The following PSMD8 variants were observed in gnomAD, a reference collection of about 807,000 sequenced individuals.
The protein encoded by PSMD8 is proteasome 26S subunit, non-ATPase 8.
A neutral mutation model predicts 40.0 loss-of-function variants in PSMD8; 30 were observed. That is an observed-to-expected ratio of 0.75 (90% confidence interval 0.56 to 1.02). PSMD8 has a LOEUF of 1.02. PSMD8 is among the 50% of genes least tolerant of loss of function. PSMD8 has a pLI of 0.00. For synonymous variants in PSMD8, 208 were observed against 192.5 expected (o/e 1.08, Z -0.67); for missense variants, 461 against 463.9 (o/e 0.99, Z 0.06).
At position 38,374,678 on chromosome 19, in the gene PSMD8, T is replaced by C; in HGVS notation, c.77T>C (p.Val26Ala). Residue 26 changes from valine to alanine, a missense_variant, in exon 1 of 7, where the codon GTT becomes GCT. Around this residue, in one of 2 missense-constraint regions of PSMD8, gnomAD observed 225 missense variants for 142.7 expected, o/e 1.58. Coordinates refer to ENST00000215071, the MANE Select transcript of PSMD8 (RefSeq NM_002812.5). ...RRATRGGLRQ[V>A]VAPPRALGST... Reference sequence around the variant, plus strand: ...GCTACCCGGGGCGGGCTGAGGCAGGTTGTAGCCCCGCCCCGGGCCTTGGGC... The same window carrying C: ...GCTACCCGGGGCGGGCTGAGGCAGGCTGTAGCCCCGCCCCGGGCCTTGGGC... 1 of 1,542,044 alleles carries C rather than the reference T, an allele frequency of 6.5e-7. No homozygotes were observed. The highest frequency in any genetic ancestry group is 8.7e-7 in the Non-Finnish European group (1 of 1,147,068).
At chr19:38,382,505 T>C in intron 6 of PSMD8, 1 of 561,352 alleles carries the variant, frequency 1.8e-6, no homozygotes, top group Non-Finnish European at 3.1e-6. Context: ...GGTGGCAGCT[T>C]TTTCTGCAAG....
chr19:38,378,100 G>A (rs1177122746), intron 3 of PSMD8, among the ~76,000 whole-genome samples: 1 of 152,216 alleles, frequency 6.6e-6, no homozygotes, highest in Non-Finnish European at 1.5e-5. Flanking sequence ...GATGGCACAT[G>A]CCTGAAATCC....
At position 38,376,352 on chromosome 19, in the gene PSMD8, G is replaced by A; in HGVS notation, c.434G>A (p.Arg145His). The A allele has an allele frequency of 6.4e-7, 1 of 1,551,652 alleles. No individual in the cohort carries two copies. The highest frequency in any genetic ancestry group is 8.7e-7 in the Non-Finnish European group (1 of 1,146,564). The change falls in exon 3 of 7, where the codon CGT becomes CAT. Residue 145 changes from arginine (R) to histidine (H), a missense_variant and splice_region_variant. Transcript: ENST00000215071. ...TGAGAGCTCACTCTGTCACCCACAG[G>A]TGACATACTGGAGATCGGGGCCCAA... ...KLTKQQLILA[R>H]DILEIGAQWS...
chr19:38,376,391 G>A lies in PSMD8; in HGVS notation c.473G>A (p.Arg158His), dbSNP rs200403794. ...LEIGAQWSIL[R>H]KDIPSFERYM... ...ATCGGGGCCCAATGGAGCATCCTAC[G>A]CAAGGACATCCCCTCCTTCGAGCGC... The change falls in exon 3 of 7, where the codon CGC (arginine) becomes CAC (histidine). Residue 158 changes from arginine (R) to histidine (H), a missense_variant. Physicochemically the swap from Arg to His is conservative, Grantham distance 29 (BLOSUM62 0). This residue lies in a region of PSMD8 where 236 missense variants were observed against 321.2 expected (regional missense o/e 0.73). Transcript: ENST00000215071. The A allele has an allele frequency of 4.8e-4, 747 of 1,552,496 alleles. 1 individual carries two copies. Among genetic ancestry groups the A allele is most frequent in the Non-Finnish European group, 5.7e-4 (652 of 1,147,464 alleles).
chr19:38,383,135 C>A, intron 6 of PSMD8, 118 bp from the exon 7 acceptor site: 3 of 1,350,938 alleles, frequency 2.2e-6, no homozygotes, highest in Non-Finnish European at 3.1e-6. Flanking sequence ...GGTCGTTGGG[C>A]AGAGTACGAT....
Position 38,374,724 on chromosome 19 carries a change from C to T in PSMD8, c.123C>T (p.Phe41=). Residue 41 remains phenylalanine, a synonymous_variant, in exon 1 of 7, where the codon TTC becomes TTT. Coordinates refer to ENST00000215071, the MANE Select transcript of PSMD8 (RefSeq NM_002812.5). ...RALGSTSRPH[F]RRASVCRRRC... ...TGGGCTCCACCTCTCGGCCCCACTT[C>T]CGCCGGGCAAGCGTTTGTAGGCGGC... 1 of 1,548,576 alleles carries T rather than the reference C, an allele frequency of 6.5e-7. No homozygotes were observed. Among genetic ancestry groups the T allele is most frequent in the South Asian group, 1.2e-5 (1 of 84,594 alleles).
intron 1 of PSMD8, chr19:38,375,258 C>A: frequency 2.4e-6 from 1 of 411,398 alleles, no homozygotes; most frequent in Non-Finnish European, 4.4e-6. Context: ...GCCTGAGCAA[C>A]ATAGCGAGAC....
chr19:38,382,025 C>T, intron 5 of PSMD8, 92 bp from the exon 6 acceptor site: 1 of 854,742 alleles, frequency 1.2e-6, no homozygotes, highest in South Asian at 1.5e-5. Flanking sequence ...TGCTGAACTC[C>T]AGGGTCAGAG....
chr19:38,382,335 T>G (rs1970647852), intron 6 of PSMD8, 107 bp downstream of exon 6: 1 of 877,662 alleles, frequency 1.1e-6, no homozygotes, highest in African/African-American at 1.7e-5. Context: ...CAGGTTTAAG[T>G]TCAACTGTGT....
Position 38,383,543 on chromosome 19 carries a change from C to T in PSMD8, c.*153C>T, listed in dbSNP as rs1970662061. ...GAGACAAGTTCTTATATCTGAAGAA[C>T]TTGGAGGTTTTGGGGCATTCAGGAG... On this transcript the variant is annotated 3_prime_UTR_variant, in exon 7 of 7. Transcript: ENST00000215071. The T allele has an allele frequency of 4.6e-6, 5 of 1,091,968 alleles. No homozygotes were observed. The South Asian group carries it at 4.8e-5, about 10-fold the overall frequency. 67.6% of individuals were successfully genotyped at this position (1,091,968 alleles called of 1,614,324 possible).
chr19:38,381,011 G>A lies in PSMD8; in HGVS notation c.803+12G>A, dbSNP rs1184477594. On this transcript the variant is annotated intron_variant, in intron 5 of 6. Coordinates refer to ENST00000215071, the MANE Select transcript of PSMD8 (RefSeq NM_002812.5). ...CTCGACACTATCAGGTGCGTAGCGG[G>A]GCCGGGCCCTGTGGAGTTTGGAAAG... 1 of 1,545,118 alleles carries A rather than the reference G, an allele frequency of 6.5e-7. No individual in the cohort carries two copies. Among genetic ancestry groups the A allele is most frequent in the Non-Finnish European group, 8.7e-7 (1 of 1,143,160 alleles).
chr19:38,383,436 G>A lies in PSMD8; in HGVS notation c.*46G>A, dbSNP rs749214403. The A allele has an allele frequency of 4.3e-6, 7 of 1,611,062 alleles. No individual in the cohort carries two copies. Among genetic ancestry groups the A allele is most frequent in the Non-Finnish European group, 5.9e-6 (7 of 1,177,742 alleles). On this transcript the variant is annotated 3_prime_UTR_variant, in exon 7 of 7. Coordinates refer to ENST00000215071, the MANE Select transcript of PSMD8 (RefSeq NM_002812.5). ...GGCAGGGCACGAGTTATTTAAAACAGTTACACTGCAGGGTTTCGCCCAATA... is the reference window on the plus strand; with the variant it reads ...GGCAGGGCACGAGTTATTTAAAACAATTACACTGCAGGGTTTCGCCCAATA...
At position 38,380,963 on chromosome 19, in the gene PSMD8, A is replaced by C; in HGVS notation, c.767A>C (p.Tyr256Ser). The C allele has an allele frequency of 6.3e-7, 1 of 1,589,272 alleles. No individual in the cohort carries two copies. The highest frequency in any genetic ancestry group is 2.3e-5 in the East Asian group (1 of 43,788). Residue 256 changes from tyrosine to serine, a missense_variant, in exon 5 of 7, where the codon TAC becomes TCC. Physicochemically the swap from Tyr to Ser is moderately radical, Grantham distance 144 (BLOSUM62 -2). Coordinates refer to ENST00000215071, the MANE Select transcript of PSMD8 (RefSeq NM_002812.5). ...LAKGNIPAES[Y>S]TFFIDILLDT... ...AAGGGTAACATCCCCGCCGAGAGCTACACCTTCTTCATTGACATCCTGCTC... is the reference window on the plus strand; with the variant it reads ...AAGGGTAACATCCCCGCCGAGAGCTCCACCTTCTTCATTGACATCCTGCTC...
At chr19:38,375,934 G>A (rs762780665) in intron 1 of PSMD8, among the ~76,000 whole-genome samples, 1 of 152,182 alleles carries the variant, frequency 6.6e-6, no homozygotes, top group Non-Finnish European at 1.5e-5. Flanking sequence ...GTCCCTCCTT[G>A]TTTCCCCAGT....
intron 3 of PSMD8, among the ~76,000 whole-genome samples, chr19:38,377,209 G>T (rs185574973): frequency 3.9e-5 from 6 of 152,300 alleles, no homozygotes; most frequent in Admixed American, 2.6e-4. Flanking sequence ...TATTTTTGGA[G>T]ACAGGGTCTT....
At chr19:38,375,280 A>G (rs556272909) in intron 1 of PSMD8, 95 of 292,222 alleles carry the variant, frequency 3.3e-4, no homozygotes, top group African/African-American at 2.0e-3. Context: ...CTGTCTCTAC[A>G]TTTTTTTTTT....
intron 6 of PSMD8, 176 bp downstream of exon 6, chr19:38,382,404 C>A: frequency 1.6e-6 from 1 of 639,798 alleles, no homozygotes; most frequent in Non-Finnish European, 2.8e-6. Flanking sequence ...CAGAATGGGG[C>A]TAGATACATG....
In PSMD8 at chr19:38,383,311, C is replaced by G; in HGVS notation, c.974C>G (p.Pro325Arg). ...AGTTTTGCCAGCCAGCAGCAGAAGC[C>G]GGAAGACACCACCATTCCCTCCACA... is the stretch of plus-strand genomic sequence containing the variant. ...YYSFASQQQKPEDTTIPSTEL... is the reference protein window; with the variant it reads ...YYSFASQQQKREDTTIPSTEL... The change falls in exon 7 of 7, where the codon CCG becomes CGG. Residue 325 changes from proline to arginine, a missense_variant. Pro to Arg is a moderately radical substitution (Grantham distance 103). Around this residue, in one of 2 missense-constraint regions of PSMD8, gnomAD observed 236 missense variants for 321.2 expected, o/e 0.73. Coordinates refer to ENST00000215071, the MANE Select transcript of PSMD8 (RefSeq NM_002812.5). 6.2e-7 allele frequency: 1 copy of G among 1,613,682 alleles called. No individual in the cohort carries two copies. Among genetic ancestry groups the G allele is most frequent in the Non-Finnish European group, 8.5e-7 (1 of 1,179,862 alleles).
rs1025218957 is a variant in PSMD8, at chr19:38,383,523, A to C, written c.*133A>C. ...TCCCCAGTTGGGACGGCAGAGAGAC[A>C]AGTTCTTATATCTGAAGAACTTGGA... On this transcript the variant is annotated 3_prime_UTR_variant, in exon 7 of 7. Transcript: ENST00000215071. The C allele has an allele frequency of 1.6e-6, 2 of 1,225,208 alleles. No homozygotes were observed. The highest frequency in any genetic ancestry group is 3.0e-5 in the African/African-American group (2 of 65,760). 75.9% of individuals were successfully genotyped at this position (1,225,208 alleles called of 1,614,324 possible). A position where few individuals can be genotyped will look rare whatever the true frequency, so the allele number is the denominator to read the frequency against.
Sources: allele counts gnomAD v4.1 joint callset (sites outside exome capture counted in the v4.1 genomes callset), GRCh38; gene constraint gnomAD v4.1.1; regional missense constraint gnomAD v4.1.1; transcripts MANE v1.5; gene names NCBI Gene and HGNC (gene_info 2026-07-23, HGNC 2026-07-21).